The following PCDHGA4 variants were observed in gnomAD, a reference collection of about 807,000 sequenced individuals.
The protein encoded by PCDHGA4 is protocadherin gamma-A4.
In PCDHGA4, 38 loss-of-function variants were observed where a neutral mutation model predicts 54.6. That is an observed-to-expected ratio of 0.70 (90% CI 0.54 to 0.91). The LOEUF (loss-of-function observed/expected upper bound fraction) is 0.91. PCDHGA4 is among the 40% of genes least tolerant of loss of function. The pLI is 0.00. For synonymous variants in PCDHGA4, 511 were observed against 512.9 expected (o/e 1.00, Z 0.05); for missense variants, 1,298 against 1,220.9 (o/e 1.06, Z -0.94).
rs370792537 is a variant in PCDHGA4 at position 141,370,669 on chromosome 5, G to A, written c.2514+13048G>A. ...TTACTTGTGAGCGACCGTATAGACC[G>A]AGAGGAGATTTGTGGCAAGAAGTCG... is the stretch of plus-strand genomic sequence containing the variant. On this transcript the variant is annotated intron_variant, in intron 1 of 3. Coordinates refer to ENST00000571252, the MANE Select transcript of PCDHGA4 (RefSeq NM_018917.4). The A allele has an allele frequency of 5.6e-6, 9 of 1,613,788 alleles. No homozygotes were observed. In the East Asian group the frequency reaches 1.1e-4, roughly 20 times the overall value.
intron 1 of PCDHGA4, chr5:141,399,077 G>A (rs1589355843): frequency 6.2e-7 from 1 of 1,613,830 alleles, no homozygotes; most frequent in Non-Finnish European, 8.5e-7. Context: ...GTTGTAGAAG[G>A]GAGGGATGGT....
intron 1 of PCDHGA4, chr5:141,366,034 C>T (rs1764274973): frequency 2.5e-6 from 4 of 1,614,144 alleles, no homozygotes; most frequent in Non-Finnish European, 2.5e-6. Flanking sequence ...CCGCCCTCCC[C>T]ACAGACGGTT....
chr5:141,427,711 A>T, intron 1 of PCDHGA4: 1 of 1,036,498 alleles, frequency 9.6e-7, no homozygotes, highest in Non-Finnish European at 1.5e-6. Context: ...AGCGCCTCTG[A>T]CCTGGACCTA....
chr5:141,355,415 C>G lies in PCDHGA4; in HGVS notation c.308C>G (p.Thr103Arg), dbSNP rs753835027. 6.2e-7 allele frequency: 1 copy of G among 1,614,096 alleles called. No homozygotes were observed. The highest frequency in any genetic ancestry group is 1.1e-5 in the South Asian group (1 of 91,088). Reference protein sequence around the residue: ...RGVRIVSRGRTQLFALNPRSG... With the variant: ...RGVRIVSRGRRQLFALNPRSG... Reference sequence around the variant, plus strand: ...GTCCGCATCGTCTCCAGAGGTAGGACGCAGCTTTTCGCCCTGAACCCGCGC... The same window carrying G: ...GTCCGCATCGTCTCCAGAGGTAGGAGGCAGCTTTTCGCCCTGAACCCGCGC... Residue 103 changes from threonine (T) to arginine (R), a missense_variant, in exon 1 of 4, where the codon ACG (threonine) becomes AGG (arginine). Physicochemically the swap from Thr to Arg is moderately conservative, Grantham distance 71 (BLOSUM62 -1). Transcript: ENST00000571252.
intron 1 of PCDHGA4, among the ~76,000 whole-genome samples, chr5:141,397,283 A>G: frequency 6.6e-6 from 1 of 152,232 alleles, no homozygotes; most frequent in East Asian, 1.9e-4. Context: ...TGGGCAGTAT[A>G]CTTGAATGAA....
rs1200950542 is a variant in PCDHGA4, at chr5:141,409,998, G to A, written c.2514+52377G>A. 4 of 1,613,236 alleles carry A rather than the reference G, an allele frequency of 2.5e-6. No homozygotes were observed. In the Admixed American group the frequency reaches 6.7e-5, roughly 27 times the overall value. On this transcript the variant is annotated intron_variant, in intron 1 of 3. Coordinates refer to ENST00000571252, the MANE Select transcript of PCDHGA4 (RefSeq NM_018917.4). ...GTGGTAGCGGTGGACGCCGACTCGGGACACAACGCCTGGCTGTCCTACCAC... is the reference window on the plus strand; with the variant it reads ...GTGGTAGCGGTGGACGCCGACTCGGAACACAACGCCTGGCTGTCCTACCAC...
At chr5:141,361,627 C>T (rs1389094962) in intron 1 of PCDHGA4, 12 of 1,613,918 alleles carry the variant, frequency 7.4e-6, no homozygotes, top group Admixed American at 1.7e-5. Context: ...CGACCTGAAG[C>T]CGCGGGAGAT....
chr5:141,421,358 C>T (rs2096566137), intron 1 of PCDHGA4: 1 of 1,613,870 alleles, frequency 6.2e-7, no homozygotes, highest in Non-Finnish European at 8.5e-7. Context: ...GAAAAGGGCT[C>T]CTTCGTGGGC....
In PCDHGA4 at chr5:141,490,761, G is replaced by GTA. The variant is rs1380770489; in HGVS notation, c.2515-4044_2515-4043dup. The GTA allele has an allele frequency of 6.2e-7, 1 of 1,614,048 alleles. No individual in the cohort carries two copies. The highest frequency in any genetic ancestry group is 1.3e-5 in the African/African-American group (1 of 74,920). On this transcript the variant is annotated intron_variant, in intron 1 of 3. Coordinates refer to ENST00000571252, the MANE Select transcript of PCDHGA4 (RefSeq NM_018917.4). The surrounding 1 kb of genome is among the most constrained non-coding windows in gnomAD (Gnocchi z 5.4). ...AGGGAGCCCCAGCCTCCTCCTTTGT[G>GTA]TATGTCAACCCAGAGGATGGACGGA...
chr5:141,378,077 T>A (rs955421264), intron 1 of PCDHGA4: 1 of 152,136 alleles, frequency 6.6e-6, no homozygotes, highest in Non-Finnish European at 1.5e-5. Flanking sequence ...AGAAAATAAT[T>A]TTATAACTTT....
chr5:141,423,985 C>T (rs1334591897), intron 1 of PCDHGA4: 2 of 1,100,512 alleles, frequency 1.8e-6, no homozygotes, highest in Non-Finnish European at 2.2e-6. Flanking sequence ...ATGAGGCTCT[C>T]AATTTATTAT....
chr5:141,487,455 A>G lies in PCDHGA4; in HGVS notation c.2515-7352A>G, dbSNP rs751456631. 6.2e-7 allele frequency: 1 copy of G among 1,614,122 alleles called. No individual in the cohort carries two copies. The highest frequency in any genetic ancestry group is 8.5e-7 in the Non-Finnish European group (1 of 1,180,032). On this transcript the variant is annotated intron_variant, in intron 1 of 3. Coordinates refer to ENST00000571252, the MANE Select transcript of PCDHGA4 (RefSeq NM_018917.4). The surrounding 1 kb of genome is among the most constrained non-coding windows in gnomAD (Gnocchi z 5.0). ...CAGCTAGGGTCAGATGACCCTATCA[A>G]GTTTGTTGATGTGGGAGGCCACTCT...
intron 1 of PCDHGA4, chr5:141,360,620 T>C (rs759358436): frequency 1.2e-6 from 2 of 1,614,026 alleles, no homozygotes; most frequent in Non-Finnish European, 1.7e-6. Flanking sequence ...GATTCAGATG[T>C]TGGTCCTAAC....
intron 1 of PCDHGA4, chr5:141,378,235 G>C (rs1774737741): frequency 6.6e-6 from 1 of 152,228 alleles, no homozygotes; most frequent in Non-Finnish European, 1.5e-5. Context: ...GTATTTAAGA[G>C]TGAAAATGGC....
At position 141,431,433 on chromosome 5, in the gene PCDHGA4, C is replaced by T; in HGVS notation, c.2515-63374C>T. ...GGGGGCGACCCGGTGCGCACAGGCA[C>T]CGCGCGCATCCGCGTGATGGTTCTG... On this transcript the variant is annotated intron_variant, in intron 1 of 3. Transcript: ENST00000571252. This position sits in a 1 kb window ranked among gnomAD's most constrained non-coding sequence, Gnocchi z 4.8. 1.9e-6 allele frequency: 3 copies of T among 1,613,716 alleles called. No homozygotes were observed. The highest frequency in any genetic ancestry group is 2.5e-6 in the Non-Finnish European group (3 of 1,180,028).
At chr5:141,438,585 TAC>T (rs1561889967) in intron 1 of PCDHGA4, among the ~76,000 whole-genome samples, 141 of 61,160 alleles carry the variant, frequency 2.3e-3, no homozygotes, top group South Asian at 4.3e-3. Flanking sequence ...CATACATACA[TAC>T]ATACATATAT....
intron 1 of PCDHGA4, chr5:141,388,701 G>A: frequency 1.9e-6 from 3 of 1,613,986 alleles, no homozygotes; most frequent in South Asian, 1.1e-5. Context: ...GGATGAGGGT[G>A]TCAATGCCGA....
intron 1 of PCDHGA4, among the ~76,000 whole-genome samples, chr5:141,463,572 C>T (rs1462125489): frequency 6.6e-6 from 1 of 151,572 alleles, no homozygotes; most frequent in African/African-American, 2.4e-5. Context: ...CCTCAGCCTC[C>T]CGAGTAGCTG....
Position 141,476,129 on chromosome 5 carries a change from G to T in PCDHGA4, c.2515-18678G>T, listed in dbSNP as rs2099385585. 6.2e-7 allele frequency: 1 copy of T among 1,606,848 alleles called. No homozygotes were observed. The highest frequency in any genetic ancestry group is 1.3e-5 in the African/African-American group (1 of 75,000). On this transcript the variant is annotated intron_variant, in intron 1 of 3. Transcript: ENST00000571252. The surrounding 1 kb of genome is among the most constrained non-coding windows in gnomAD (Gnocchi z 7.6). ...GCTTTTGAGTGAGATGGTCCCAGAG[G>T]CCTGGAGGAGCGGACTGGTAAGCAC...
Sources: allele counts gnomAD v4.1 joint callset (sites outside exome capture counted in the v4.1 genomes callset), GRCh38; gene constraint gnomAD v4.1.1; non-coding constraint Gnocchi (gnomAD v3.1); transcripts MANE v1.5; gene names NCBI Gene and HGNC (gene_info 2026-07-23, HGNC 2026-07-21).